Variants in XKR6 observed in about 807,000 individuals in gnomAD.
The protein encoded by XKR6 is XK-related protein 6.
In XKR6, 22 loss-of-function variants were observed where a neutral mutation model predicts 56.7. The observed-to-expected ratio is 0.39, with a 90% CI of 0.28 to 0.55. The LOEUF is 0.55. Ranked by LOEUF, XKR6 falls within the 20% of genes least tolerant of loss-of-function variation. XKR6 has a pLI of 0.66. For synonymous variants in XKR6, 524 were observed against 387.8 expected (o/e 1.35, Z -4.13); for missense variants, 852 against 889.0 (o/e 0.96, Z 0.53).
intron 1 of XKR6, among the ~76,000 whole-genome samples, chr8:11,154,912 A>G (rs1801442243): frequency 6.6e-6 from 1 of 152,244 alleles, no homozygotes. Flanking sequence ...TAATTCTAAA[A>G]TTCTATCATA....
chr8:11,178,566 A>ATATATATG (rs1563197874), intron 1 of XKR6, among the ~76,000 whole-genome samples: 1 of 139,518 alleles, frequency 7.2e-6, no homozygotes, highest in African/African-American at 2.7e-5. Flanking sequence ...ATATATATAT[A>ATATATATG]TATATATGTA....
At chr8:11,149,105 G>A (rs1801138130) in intron 1 of XKR6, among the ~76,000 whole-genome samples, 1 of 152,206 alleles carries the variant, frequency 6.6e-6, no homozygotes, top group Non-Finnish European at 1.5e-5. Flanking sequence ...GATGTTGAAA[G>A]CCTAACCCCT....
chr8:11,201,660 C>A lies in XKR6; in HGVS notation c.-321G>T, dbSNP rs1161945148. Among the ~76,000 whole-genome samples, 1 of 152,208 alleles carries A rather than the reference C, an allele frequency of 6.6e-6. No individual in the cohort carries two copies. Among genetic ancestry groups the A allele is most frequent in the Non-Finnish European group, 1.5e-5 (1 of 68,028 alleles). On this transcript the variant is annotated 5_prime_UTR_variant, in exon 1 of 3. Coordinates refer to ENST00000416569, the MANE Select transcript of XKR6 (RefSeq NM_173683.4). ...TTCTCCCCGCCAGGGCTCCCCTTCC[C>A]CTCTTCCGTTGACCCCGAAACCCAT...
At chr8:10,947,355 C>T (rs7001456) in intron 1 of XKR6, among the ~76,000 whole-genome samples, 1 of 151,882 alleles carries the variant, frequency 6.6e-6, no homozygotes, top group African/African-American at 2.4e-5. Flanking sequence ...AGCCCATGTG[C>T]GTGTCTCTAT....
chr8:11,170,627 G>A (rs918211198), intron 1 of XKR6, among the ~76,000 whole-genome samples: 5 of 152,142 alleles, frequency 3.3e-5, no homozygotes, highest in Non-Finnish European at 7.3e-5. Flanking sequence ...CACATTTGTG[G>A]TAATCGTTGC....
At chr8:11,077,320 C>A (rs961550993) in intron 1 of XKR6, among the ~76,000 whole-genome samples, 7 of 152,150 alleles carry the variant, frequency 4.6e-5, no homozygotes, top group Non-Finnish European at 1.0e-4. Context: ...TTTCAAGCAC[C>A]ATCCAGAAAG....
intron 1 of XKR6, among the ~76,000 whole-genome samples, chr8:11,146,987 TG>T (rs1211118682): frequency 6.6e-6 from 1 of 150,666 alleles, no homozygotes; most frequent in Non-Finnish European, 1.5e-5. Flanking sequence ...AATGGGGAGG[TG>T]ATGGTCAAAG....
rs537802275 is a variant in XKR6, at chr8:11,140,884, C to T, written c.764+59692G>A. Among the ~76,000 whole-genome samples the T allele has an allele frequency of 1.8e-3, 218 of 122,954 alleles. 1 individual carries two copies. The highest frequency in any genetic ancestry group is 2.7e-3 in the Non-Finnish European group (172 of 63,210). 80.7% of individuals were successfully genotyped at this position (122,954 alleles called of 152,430 possible). On this transcript the variant is annotated intron_variant, in intron 1 of 2. Coordinates refer to ENST00000416569, the MANE Select transcript of XKR6 (RefSeq NM_173683.4). Reference sequence around the variant, plus strand: ...CTGGACTCCAGCCTGGGCGACAGAGCGAGACTCTGTCTCAAAAAAAAAAAA... The same window carrying T: ...CTGGACTCCAGCCTGGGCGACAGAGTGAGACTCTGTCTCAAAAAAAAAAAA...
chr8:11,128,403 T>C (rs910401803), intron 1 of XKR6, among the ~76,000 whole-genome samples: 1 of 152,176 alleles, frequency 6.6e-6, no homozygotes, highest in Non-Finnish European at 1.5e-5. Context: ...CAGTCAGACC[T>C]CTGAACTCCC....
intron 1 of XKR6, among the ~76,000 whole-genome samples, chr8:10,993,181 G>A (rs1042784547): frequency 2.0e-5 from 3 of 152,220 alleles, no homozygotes; most frequent in Non-Finnish European, 4.4e-5. Context: ...TCTGAGTGAC[G>A]CCACTTTTTG....
chr8:11,100,440 T>C (rs1297474734), intron 1 of XKR6, among the ~76,000 whole-genome samples: 1 of 152,216 alleles, frequency 6.6e-6, no homozygotes, highest in African/African-American at 2.4e-5. Context: ...AATTAAGACT[T>C]TGTGTTCCAC....
At chr8:11,131,915 C>G (rs77579681) in intron 1 of XKR6, among the ~76,000 whole-genome samples, 4,528 of 152,190 alleles carry the variant, frequency 0.03, 119 homozygotes, top group Middle Eastern at 0.068. Flanking sequence ...GTATGTCAGT[C>G]CATGATGTTG....
chr8:11,070,893 C>T (rs1563117049), intron 1 of XKR6, among the ~76,000 whole-genome samples: 3 of 152,166 alleles, frequency 2.0e-5, no homozygotes, highest in Non-Finnish European at 2.9e-5. Context: ...CCTGCTGAAC[C>T]CACCAGACCA....
intron 1 of XKR6, among the ~76,000 whole-genome samples, chr8:11,079,556 G>A (rs1482944502): frequency 1.3e-5 from 2 of 152,186 alleles, no homozygotes; most frequent in Non-Finnish European, 2.9e-5. Context: ...GCCTCTGGAA[G>A]GGGAAAAAGG....
chr8:11,038,226 T>C (rs919498168), intron 1 of XKR6, among the ~76,000 whole-genome samples: 31 of 152,190 alleles, frequency 2.0e-4, no homozygotes, highest in African/African-American at 4.8e-5. Context: ...ATCTAACTTG[T>C]TTAGCGGTGA....
At chr8:10,911,530 AG>A (rs1432132378) in intron 2 of XKR6, among the ~76,000 whole-genome samples, 2 of 147,870 alleles carry the variant, frequency 1.4e-5, no homozygotes, top group African/African-American at 2.5e-5. Flanking sequence ...GTAGAAAGAG[AG>A]GGGGTGAATA....
chr8:11,090,755 A>T (rs1169318944), intron 1 of XKR6, among the ~76,000 whole-genome samples: 1 of 142,252 alleles, frequency 7.0e-6, no homozygotes, highest in East Asian at 1.9e-4. Context: ...GGGTTGAAGG[A>T]GGTTCTTTAT....
chr8:11,147,771 G>T (rs954819227), intron 1 of XKR6, among the ~76,000 whole-genome samples: 2 of 152,092 alleles, frequency 1.3e-5, no homozygotes, highest in African/African-American at 4.8e-5. Flanking sequence ...TAATAGAAAG[G>T]CTGGAATCAC....
chr8:11,118,595 TAG>T, intron 1 of XKR6, among the ~76,000 whole-genome samples: 1 of 152,262 alleles, frequency 6.6e-6, no homozygotes, highest in South Asian at 2.1e-4. Context: ...TTTATTTGTG[TAG>T]AGGTGTTTAT....
Sources: allele counts gnomAD v4.1 joint callset (sites outside exome capture counted in the v4.1 genomes callset), GRCh38; gene constraint gnomAD v4.1.1; transcripts MANE v1.5; gene names NCBI Gene and HGNC (gene_info 2026-07-23, HGNC 2026-07-21).